Variants in NTNG1 observed in about 807,000 individuals in gnomAD.
The protein encoded by NTNG1 is netrin-G1.
Under a neutral mutation model 54.0 loss-of-function variants are expected in NTNG1, and 16 were observed. The ratio of observed to expected loss-of-function variants is 0.30; its 90% CI spans 0.20 to 0.45. The LOEUF is 0.45. NTNG1 is among the 20% of genes least tolerant of loss of function. The pLI is 1.00. For synonymous variants in NTNG1, 255 were observed against 263.1 expected (o/e 0.97, Z 0.30); for missense variants, 530 against 678.7 (o/e 0.78, Z 2.43).
At chr1:107,455,122 G>A (rs1365312751) in intron 7 of NTNG1, among the ~76,000 whole-genome samples, 2 of 151,624 alleles carry the variant, frequency 1.3e-5, no homozygotes, top group Non-Finnish European at 2.9e-5. Flanking sequence ...GGAGTGCAAT[G>A]GGGCGATCTC....
chr1:107,452,622 C>T (rs1171999823), intron 7 of NTNG1, among the ~76,000 whole-genome samples: 2 of 152,130 alleles, frequency 1.3e-5, no homozygotes, highest in East Asian at 1.9e-4. Flanking sequence ...GATTAATTCT[C>T]ATGGGAATGG....
chr1:107,394,553 C>T (rs553702612), intron 3 of NTNG1, among the ~76,000 whole-genome samples: 23 of 152,212 alleles, frequency 1.5e-4, no homozygotes, highest in Non-Finnish European at 2.4e-4. Context: ...GTGTCTCACC[C>T]CCCTTCGGGT....
intron 2 of NTNG1, among the ~76,000 whole-genome samples, chr1:107,249,414 G>A (rs1168771027): frequency 1.3e-5 from 2 of 151,180 alleles, no homozygotes; most frequent in African/African-American, 4.9e-5. Context: ...CCTGGGGTGC[G>A]GAGGTTGCTG....
chr1:107,208,807 G>C (rs151293345), intron 2 of NTNG1, among the ~76,000 whole-genome samples: 38 of 152,210 alleles, frequency 2.5e-4, no homozygotes, highest in African/African-American at 8.7e-4. Flanking sequence ...TTACCTTCCA[G>C]TTCAGCTGAC....
intron 4 of NTNG1, among the ~76,000 whole-genome samples, chr1:107,397,769 A>G (rs1672772675): frequency 6.6e-6 from 1 of 151,638 alleles, no homozygotes; most frequent in South Asian, 2.1e-4. Flanking sequence ...TAAAGGAAGT[A>G]TATCGACCCT....
chr1:107,249,759 A>G (rs1420748644), intron 2 of NTNG1, among the ~76,000 whole-genome samples: 1 of 152,216 alleles, frequency 6.6e-6, no homozygotes, highest in Non-Finnish European at 1.5e-5. Flanking sequence ...AGTTTTACAA[A>G]TTTGCATGAC....
At position 107,434,606 on chromosome 1, in the gene NTNG1, A is replaced by C. The variant is rs114155588; in HGVS notation, c.1256-2059A>C. On this transcript the variant is annotated intron_variant, in intron 6 of 7. Transcript: ENST00000370068. ...TTAAAATTATGATGTATAATTTTTA[A>C]TTCCCCTTTGAAACCCATGGTTGGG... 5.8e-3 allele frequency among the ~76,000 whole-genome samples: 885 copies of C among 152,296 alleles called. 13 individuals carry two copies. Among genetic ancestry groups the C allele is most frequent in the African/African-American group, 0.02 (846 of 41,566 alleles).
intron 2 of NTNG1, among the ~76,000 whole-genome samples, chr1:107,256,642 G>A (rs944024613): frequency 1.7e-4 from 26 of 152,176 alleles, no homozygotes; most frequent in Admixed American, 4.6e-4. Context: ...AGATAATGCC[G>A]CATTTGCAGG....
intron 2 of NTNG1, among the ~76,000 whole-genome samples, chr1:107,202,673 T>A (rs1451493395): frequency 1.3e-5 from 2 of 151,994 alleles, no homozygotes; most frequent in Non-Finnish European, 2.9e-5. Flanking sequence ...TAAATTTACT[T>A]ACAGTAGCAT....
At chr1:107,224,982 T>A (rs1011087603) in intron 2 of NTNG1, among the ~76,000 whole-genome samples, 1 of 152,160 alleles carries the variant, frequency 6.6e-6, no homozygotes, top group African/African-American at 2.4e-5. Flanking sequence ...GTGAATAAGA[T>A]AATGCATGTT....
chr1:107,232,026 A>G (rs966897445), intron 2 of NTNG1, among the ~76,000 whole-genome samples: 2 of 152,210 alleles, frequency 1.3e-5, no homozygotes, highest in African/African-American at 4.8e-5. Context: ...AACTCTGAAT[A>G]GCAGCTTGGT....
intron 2 of NTNG1, among the ~76,000 whole-genome samples, chr1:107,170,100 G>A (rs540647580): frequency 1.1e-4 from 16 of 152,146 alleles, no homozygotes; most frequent in Admixed American, 8.5e-4. Context: ...ATATCTTCAC[G>A]GAGACACCTG....
chr1:107,415,954 A>C (rs998461927), intron 5 of NTNG1, among the ~76,000 whole-genome samples: 1 of 152,186 alleles, frequency 6.6e-6, no homozygotes, highest in African/African-American at 2.4e-5. Context: ...ATAAAAAGTA[A>C]AATTACTCAG....
chr1:107,432,439 G>A (rs1304421796), intron 6 of NTNG1, among the ~76,000 whole-genome samples: 1 of 152,178 alleles, frequency 6.6e-6, no homozygotes, highest in Non-Finnish European at 1.5e-5. Context: ...AGCTAAGCTT[G>A]TCAGACTTTT....
intron 2 of NTNG1, among the ~76,000 whole-genome samples, chr1:107,164,875 G>A (rs1655661171): frequency 6.6e-6 from 1 of 152,152 alleles, no homozygotes; most frequent in Non-Finnish European, 1.5e-5. Context: ...ACTGAATAAT[G>A]GCGAGAGCAT....
At chr1:107,399,870 T>C (rs953183434) in intron 4 of NTNG1, among the ~76,000 whole-genome samples, 1 of 152,110 alleles carries the variant, frequency 6.6e-6, no homozygotes, top group African/African-American at 2.4e-5. Flanking sequence ...TTTGAACAAG[T>C]CAGTTTTCTC....
At chr1:107,215,309 T>C (rs913284243) in intron 2 of NTNG1, among the ~76,000 whole-genome samples, 4 of 152,212 alleles carry the variant, frequency 2.6e-5, no homozygotes, top group Non-Finnish European at 4.4e-5. Flanking sequence ...TTGATTTTTA[T>C]ATAAGGTGAG....
Position 107,328,100 on chromosome 1 carries a change from A to G in NTNG1, c.887+3178A>G, listed in dbSNP as rs538809554. ...ATTTTGCTTCCATTTACTCCCTCTCATTGCGTATTTATTAAGATAATGAAG... is the reference window on the plus strand; with the variant it reads ...ATTTTGCTTCCATTTACTCCCTCTCGTTGCGTATTTATTAAGATAATGAAG... On this transcript the variant is annotated intron_variant, in intron 3 of 7. Transcript: ENST00000370068. Among the ~76,000 whole-genome samples, 13 of 152,216 alleles carry G rather than the reference A, an allele frequency of 8.5e-5. No individual in the cohort carries two copies. The East Asian group carries it at 9.7e-4, about 11-fold the overall frequency.
chr1:107,220,262 T>C (rs775494957), intron 2 of NTNG1, among the ~76,000 whole-genome samples: 4 of 152,174 alleles, frequency 2.6e-5, no homozygotes, highest in Non-Finnish European at 5.9e-5. Flanking sequence ...AGCTGAGAAT[T>C]TGCCCCAGGC....
Sources: gnomAD v4.1 joint callset for allele counts (sites outside exome capture counted in the v4.1 genomes callset) on GRCh38, gnomAD v4.1.1 for gene constraint, MANE v1.5 for transcripts, NCBI Gene and HGNC (gene_info 2026-07-23, HGNC 2026-07-21) for gene names.